RHOC: variants seen among roughly 807,000 people sequenced by gnomAD.
RHOC encodes rho-related GTP-binding protein RhoC.
Under a neutral mutation model 19.5 loss-of-function variants are expected in RHOC, and 13 were observed. That is an observed-to-expected ratio of 0.67 (90% CI 0.43 to 1.06). The LOEUF is 1.06. RHOC is among the 50% of genes least tolerant of loss of function. The pLI is 0.00. For missense variants in RHOC, 173 were observed against 256.9 expected, an observed-to-expected ratio of 0.67 and a Z score of 2.23; for synonymous variants, 106 against 97.3, an observed-to-expected ratio of 1.09 and a Z score of -0.52.
At chr1:112,701,893 C>T (rs1404238004) in intron 5 of RHOC, among the ~76,000 whole-genome samples, 180 bp from the exon 6 acceptor site, 1 of 152,022 alleles carries the variant, frequency 6.6e-6, no homozygotes, top group Non-Finnish European at 1.5e-5. Context: ...TCCCTCCAGT[C>T]TACTCCCTCC....
intron 1 of RHOC, among the ~76,000 whole-genome samples, chr1:112,706,456 CACACACA>C (rs1674859967): frequency 8.0e-5 from 2 of 24,864 alleles, no homozygotes; most frequent in African/African-American, 2.2e-4. Context: ...CACACACACA[CACACACA>C]CCACACACAC....
In RHOC at chr1:112,705,113, A is replaced by T. The variant is rs1221898202; in HGVS notation, c.-21T>A. ...AGGGGAACTGACCTCCAGCCGGCTG[A>T]AGTTCCCAGGCTGCAGGAAGAGAGG... On this transcript the variant is annotated 5_prime_UTR_variant, in exon 2 of 6. Transcript: ENST00000339083. 2.8e-6 allele frequency: 2 copies of T among 702,454 alleles called. No homozygotes were observed. Among genetic ancestry groups the T allele is most frequent in the Admixed American group, 2.0e-5 (1 of 50,000 alleles). 43.5% of individuals were successfully genotyped at this position (702,454 alleles called of 1,614,324 possible).
At chr1:112,702,498 C>A in intron 5 of RHOC, 65 bp downstream of exon 5, 1 of 1,565,522 alleles carries the variant, frequency 6.4e-7, no homozygotes, top group Non-Finnish European at 8.7e-7. Flanking sequence ...GTTCCCTTTG[C>A]CCGTCTGCAA....
intron 5 of RHOC, 102 bp downstream of exon 5, chr1:112,702,461 C>T: frequency 7.7e-7 from 1 of 1,305,538 alleles, no homozygotes; most frequent in Non-Finnish European, 1.1e-6. Flanking sequence ...ACTGTTTCCC[C>T]TAACACACGG....
intron 3 of RHOC, 42 bp from the exon 4 acceptor site, chr1:112,703,161 A>T (rs373016748): frequency 6.2e-7 from 1 of 1,609,874 alleles, no homozygotes; most frequent in Admixed American, 1.7e-5. Context: ...GAGGGCCCCA[A>T]CCCTGCCACC....
chr1:112,703,213 T>A, intron 3 of RHOC, 94 bp from the exon 4 acceptor site: 1 of 1,446,384 alleles, frequency 6.9e-7, no homozygotes, highest in South Asian at 1.2e-5. Flanking sequence ...CTCACTGAAC[T>A]TCTTTATTTG....
chr1:112,702,759 C>A, intron 4 of RHOC, 66 bp from the exon 5 acceptor site: 1 of 1,590,070 alleles, frequency 6.3e-7, no homozygotes, highest in Middle Eastern at 1.7e-4. Flanking sequence ...CCTGGGGGGG[C>A]CCTCATCTTC....
intron 1 of RHOC, 137 bp from the exon 2 acceptor site, chr1:112,705,305 C>G: frequency 1.5e-6 from 1 of 645,394 alleles, no homozygotes; most frequent in South Asian, 1.7e-5. Flanking sequence ...AGCCTCAAAC[C>G]TAGCTTTTTC....
At chr1:112,705,403 C>T (rs1570834177) in intron 1 of RHOC, 9 of 601,706 alleles carry the variant, frequency 1.5e-5, no homozygotes, top group East Asian at 2.8e-5. Context: ...CTTTAGGAAG[C>T]GAATACTCCA....
At chr1:112,704,976 A>C in intron 2 of RHOC, 124 bp downstream of exon 2, 94 of 632,816 alleles carry the variant, frequency 1.5e-4, no homozygotes, top group Middle Eastern at 3.0e-4. Flanking sequence ...GACTCAGGGC[A>C]AGGAGTCAGC....
chr1:112,702,467 C>CACGGCAGT lies in RHOC; in HGVS notation c.408+88_408+95dup, dbSNP rs1674686772. Reference sequence around the variant, plus strand: ...GGAGATATTACTGTTTCCCCTAACACACGGCAGTAGCTGGAGAGAAGTTCC... The same window carrying CACGGCAGT: ...GGAGATATTACTGTTTCCCCTAACACACGGCAGTACGGCAGTAGCTGGAGAGAAGTTCC... On this transcript the variant is annotated intron_variant, in intron 5 of 5. Transcript: ENST00000339083. The CACGGCAGT allele has an allele frequency of 5.2e-6, 7 of 1,347,796 alleles. No homozygotes were observed. In the Admixed American group the frequency reaches 1.3e-4, roughly 25 times the overall value. The allele number at this position is 1,347,796 out of a possible 1,614,324, so 83.5% of individuals were successfully genotyped here.
Position 112,702,676 on chromosome 1 carries a change from A to G in RHOC, c.295T>C (p.Trp99Arg), listed in dbSNP as rs779030492. ...CAGAAGTGCTTCACCTCTGGGGTCCACTTCTCAGGAATGTTTTCTGTGTAG... is the reference window on the plus strand; with the variant it reads ...CAGAAGTGCTTCACCTCTGGGGTCCGCTTCTCAGGAATGTTTTCTGTGTAG... The part of the protein sequence containing the change: ...PDSLENIPEK[W>R]TPEVKHFCPN... The change falls in exon 5 of 6, where the codon TGG (tryptophan) becomes CGG (arginine). Residue 99 changes from tryptophan to arginine, a missense_variant. By Grantham distance (101) the Trp-to-Arg change is moderately radical. Coordinates refer to ENST00000339083, the MANE Select transcript of RHOC (RefSeq NM_175744.5). The G allele has an allele frequency of 1.2e-6, 2 of 1,614,086 alleles. No homozygotes were observed. The highest frequency in any genetic ancestry group is 1.7e-6 in the Non-Finnish European group (2 of 1,179,994).
intron 4 of RHOC, 35 bp downstream of exon 4, chr1:112,702,964 A>T (rs1347960325): frequency 4.3e-6 from 7 of 1,613,284 alleles, no homozygotes; most frequent in Non-Finnish European, 5.1e-6. Flanking sequence ...GCTGATTCCA[A>T]GGGGTTCTCA....
Position 112,706,432 on chromosome 1 carries a change from CACACA to C in RHOC, c.-77+641_-77+645del, listed in dbSNP as rs1557780414. Among the ~76,000 whole-genome samples, 7 of 29,248 alleles carry C rather than the reference CACACA, an allele frequency of 2.4e-4. No homozygotes were observed. In the South Asian group the frequency reaches 4.6e-3, roughly 19 times the overall value. 19.2% of individuals were successfully genotyped at this position (29,248 alleles called of 152,430 possible). On this transcript the variant is annotated intron_variant, in intron 1 of 5. Transcript: ENST00000339083. ...TTTTCTCTCTCTCTCTCTCTCTCTA[CACACA>C]CACACACACACACACACACACACAC...
intron 5 of RHOC, 89 bp from the exon 6 acceptor site, chr1:112,701,802 A>C: frequency 7.0e-7 from 1 of 1,428,498 alleles, no homozygotes; most frequent in Non-Finnish European, 9.8e-7. Flanking sequence ...GCTGGAACAA[A>C]TGCCTCCTTC....
chr1:112,703,978 T>A (rs1674754240), intron 2 of RHOC, among the ~76,000 whole-genome samples, 172 bp from the exon 3 acceptor site: 1 of 152,234 alleles, frequency 6.6e-6, no homozygotes, highest in African/African-American at 2.4e-5. Flanking sequence ...TTGAAATTCC[T>A]AATCTCTGGG....
At chr1:112,702,889 C>T (rs1674704918) in intron 4 of RHOC, 110 bp downstream of exon 4, 2 of 1,443,068 alleles carry the variant, frequency 1.4e-6, no homozygotes, top group Non-Finnish European at 1.9e-6. Flanking sequence ...GGCCTGAGTG[C>T]TCCCCTGCAT....
rs914319620 is a variant in RHOC, at chr1:112,701,173, A to G, written c.*367T>C. 1.9e-6 allele frequency: 1 copy of G among 537,882 alleles called. No homozygotes were observed. The highest frequency in any genetic ancestry group is 3.2e-5 in the Admixed American group (1 of 31,206). The allele number at this position is 537,882 out of a possible 1,614,324, so 33.3% of individuals were successfully genotyped here. A position where few individuals can be genotyped will look rare whatever the true frequency, so the allele number is the denominator to read the frequency against. ...TATTCATGCCCCCCTGACCAAATGC[A>G]GTGAGAGACAAGGCCCCTGCCGAAA... On this transcript the variant is annotated 3_prime_UTR_variant, in exon 6 of 6. Coordinates refer to ENST00000339083, the MANE Select transcript of RHOC (RefSeq NM_175744.5).
chr1:112,706,494 A>ACCCC (rs1557780825), intron 1 of RHOC, among the ~76,000 whole-genome samples: 1 of 35,976 alleles, frequency 2.8e-5, no homozygotes, highest in South Asian at 1.5e-3. Flanking sequence ...ACACACACAC[A>ACCCC]CACACACACA....
Sources: gnomAD v4.1 joint callset for allele counts (sites outside exome capture counted in the v4.1 genomes callset) on GRCh38, gnomAD v4.1.1 for gene constraint, MANE v1.5 for transcripts, NCBI Gene and HGNC (gene_info 2026-07-23, HGNC 2026-07-21) for gene names.